GPC1: variants seen among roughly 807,000 people sequenced by gnomAD.
The protein encoded by GPC1 is glypican-1.
A neutral mutation model predicts 51.5 loss-of-function variants in GPC1; 26 were observed. The ratio of observed to expected loss-of-function variants is 0.50; its 90% CI spans 0.37 to 0.70. The LOEUF is 0.70. Among genes scored for constraint, GPC1 ranks in the 30% least tolerant of loss-of-function variants. The pLI is 0.00. For missense variants in GPC1, 775 were observed against 800.5 expected, an observed-to-expected ratio of 0.97 and a Z score of 0.38; for synonymous variants, 380 against 348.3, an observed-to-expected ratio of 1.09 and a Z score of -1.01.
chr2:240,465,243 T>C (rs1400188798), intron 7 of GPC1, 33 bp downstream of exon 7: 1 of 1,575,424 alleles, frequency 6.3e-7, no homozygotes, highest in East Asian at 2.2e-5. Flanking sequence ...CAGCCCTCCC[T>C]CCCATGCCGC....
chr2:240,444,560 C>T (rs1241395657), intron 1 of GPC1, among the ~76,000 whole-genome samples: 1 of 152,172 alleles, frequency 6.6e-6, no homozygotes, highest in Non-Finnish European at 1.5e-5. Flanking sequence ...GGATCCCTAG[C>T]CTCCCCGGCA....
At chr2:240,442,297 G>A (rs1306297845) in intron 1 of GPC1, 21 of 152,264 alleles carry the variant, frequency 1.4e-4, no homozygotes, top group Admixed American at 1.4e-3. Context: ...CCCGGTACCG[G>A]GTGGGGCTGG....
Position 240,439,534 on chromosome 2 carries a change from G to A in GPC1, c.166+3450G>A, listed in dbSNP as rs1399633761. Among the ~76,000 whole-genome samples, 4 of 152,238 alleles carry A rather than the reference G, an allele frequency of 2.6e-5. No homozygotes were observed. In the South Asian group the frequency reaches 8.3e-4, roughly 31 times the overall value. ...TGGAGCCTGTACCAAGCACCCACTCGTTGGGCCCCTCCGAAGGAATCTTTT... is the reference window on the plus strand; with the variant it reads ...TGGAGCCTGTACCAAGCACCCACTCATTGGGCCCCTCCGAAGGAATCTTTT... On this transcript the variant is annotated intron_variant, in intron 1 of 8. Transcript: ENST00000264039.
At chr2:240,447,498 A>G (rs890713872) in intron 1 of GPC1, among the ~76,000 whole-genome samples, 23 of 152,336 alleles carry the variant, frequency 1.5e-4, no homozygotes, top group African/African-American at 5.5e-4. Context: ...CCCTGTCCCC[A>G]TGGACCTCGG....
rs767658181 is a variant in GPC1 at position 240,466,100 on chromosome 2, A to G, written c.1487A>G (p.Asp496Gly). The change falls in exon 9 of 9, where the codon GAT (aspartate) becomes GGT (glycine). Residue 496 changes from aspartate (D) to glycine (G), a missense_variant. By Grantham distance (94) the Asp-to-Gly change is moderately conservative (BLOSUM62 -1). Coordinates refer to ENST00000264039, the MANE Select transcript of GPC1 (RefSeq NM_002081.3). ...SGSGSGDGCL[D>G]DLCSRKVSRK... ...TCGGGCAGCGGTGATGGCTGTCTGG[A>G]TGACCTCTGCAGCCGGAAGGTCAGC... 1.9e-6 allele frequency: 3 copies of G among 1,612,524 alleles called. No individual in the cohort carries two copies. The highest frequency in any genetic ancestry group is 2.2e-5 in the South Asian group (2 of 91,058).
chr2:240,443,964 G>A (rs970255371), intron 1 of GPC1, among the ~76,000 whole-genome samples: 1 of 152,250 alleles, frequency 6.6e-6, no homozygotes, highest in Non-Finnish European at 1.5e-5. Context: ...TCCTGCTCTG[G>A]GCCTGGCTAG....
intron 1 of GPC1, among the ~76,000 whole-genome samples, chr2:240,440,924 C>T (rs953073951): frequency 6.6e-6 from 1 of 152,270 alleles, no homozygotes; most frequent in Non-Finnish European, 1.5e-5. Context: ...GGGCTGTTCC[C>T]AGCGTGTGCC....
At chr2:240,436,332 C>A (rs527622006) in intron 1 of GPC1, among the ~76,000 whole-genome samples, 2 of 152,060 alleles carry the variant, frequency 1.3e-5, no homozygotes, top group Non-Finnish European at 2.9e-5. Context: ...CCCCTCCCCG[C>A]CCCCCGCACG....
At chr2:240,444,941 C>G (rs2074039773) in intron 1 of GPC1, among the ~76,000 whole-genome samples, 1 of 152,198 alleles carries the variant, frequency 6.6e-6, no homozygotes, top group African/African-American at 2.4e-5. Flanking sequence ...ATCTACCAGG[C>G]CCTGGGGACA....
intron 1 of GPC1, among the ~76,000 whole-genome samples, chr2:240,443,212 A>G (rs2074029403): frequency 6.6e-6 from 1 of 152,248 alleles, no homozygotes; most frequent in African/African-American, 2.4e-5. Context: ...GCGGGAGCCC[A>G]GGCTGGGAGA....
intron 8 of GPC1, 135 bp downstream of exon 8, chr2:240,465,783 G>T: frequency 1.3e-6 from 1 of 759,478 alleles, no homozygotes; most frequent in Non-Finnish European, 2.1e-6. Flanking sequence ...TGAGGACGCT[G>T]TGCTGCCCAG....
chr2:240,450,704 C>T (rs1322722538), intron 1 of GPC1: 2 of 468,712 alleles, frequency 4.3e-6, no homozygotes, highest in African/African-American at 2.0e-5. Flanking sequence ...GCTCGTGGGC[C>T]ATGCTGGCAG....
At chr2:240,447,173 C>T (rs2074055820) in intron 1 of GPC1, among the ~76,000 whole-genome samples, 1 of 152,092 alleles carries the variant, frequency 6.6e-6, no homozygotes, top group East Asian at 1.9e-4. Flanking sequence ...GGCTGGACCC[C>T]AGAGCCAGGA....
intron 1 of GPC1, among the ~76,000 whole-genome samples, chr2:240,447,266 C>T (rs1007758356): frequency 1.3e-5 from 2 of 152,158 alleles, no homozygotes; most frequent in African/African-American, 4.8e-5. Flanking sequence ...AGAGATCCCT[C>T]GAGCTATGCC....
At chr2:240,455,926 G>T (rs564794500) in intron 1 of GPC1, 2 of 345,028 alleles carry the variant, frequency 5.8e-6, no homozygotes, top group South Asian at 4.1e-5. Flanking sequence ...GGCCTCAGGG[G>T]GCCGCCTCGA....
At chr2:240,456,046 C>T (rs1488152983) in intron 1 of GPC1, 3 of 414,288 alleles carry the variant, frequency 7.2e-6, no homozygotes, top group Non-Finnish European at 1.5e-5. Context: ...CCGTGCTTGT[C>T]CGAGGAGGGA....
chr2:240,452,951 T>C, intron 1 of GPC1: 1 of 316,894 alleles, frequency 3.2e-6, no homozygotes, highest in Non-Finnish European at 6.3e-6. Context: ...TCCGCCGCCT[T>C]TCCCCGGCCC....
rs1055418794 is a variant in GPC1, at chr2:240,454,069, G to A, written c.167-4961G>A. 6.6e-5 allele frequency among the ~76,000 whole-genome samples: 10 copies of A among 152,230 alleles called. No individual in the cohort carries two copies. The East Asian group carries it at 1.2e-3, about 18-fold the overall frequency. On this transcript the variant is annotated intron_variant, in intron 1 of 8. Transcript: ENST00000264039. Reference sequence around the variant, plus strand: ...CATTTGGGTGAAATGGTGGCGGGGGGGCTTCGGGCAGACGGCAGGGGTGTG... The same window carrying A: ...CATTTGGGTGAAATGGTGGCGGGGGAGCTTCGGGCAGACGGCAGGGGTGTG...
At chr2:240,460,118 C>T (rs2074204232) in intron 2 of GPC1, among the ~76,000 whole-genome samples, 1 of 152,076 alleles carries the variant, frequency 6.6e-6, no homozygotes. Context: ...CCGGGAGAGT[C>T]TGCCTGTCCC....
Sources: allele counts gnomAD v4.1 joint callset (sites outside exome capture counted in the v4.1 genomes callset), GRCh38; gene constraint gnomAD v4.1.1; transcripts MANE v1.5; gene names NCBI Gene and HGNC (gene_info 2026-07-23, HGNC 2026-07-21).